The following FCSK variants were observed in gnomAD, a reference collection of about 807,000 sequenced individuals.
FCSK encodes the protein L-fucose kinase.
In FCSK, 123 loss-of-function variants were observed where a neutral mutation model predicts 122.5. That is an observed-to-expected ratio of 1.00 (90% CI 0.87 to 1.17). The LOEUF (loss-of-function observed/expected upper bound fraction) is 1.17, where lower values mean the gene tolerates loss of function less well. Ranked by LOEUF, FCSK falls within the 50% of genes most tolerant of loss-of-function variation. The pLI, the probability that FCSK is intolerant of heterozygous loss-of-function variation, is 0.00. For synonymous variants in FCSK, 620 were observed against 625.5 expected, an observed-to-expected ratio of 0.99 and a Z score of 0.13; for missense variants, 1,366 against 1,450.4, an observed-to-expected ratio of 0.94 and a Z score of 0.95.
At chr16:70,477,409 C>T (rs972375301) in intron 20 of FCSK, 1 of 152,174 alleles carries the variant, frequency 6.6e-6, no homozygotes, top group Non-Finnish European at 1.5e-5. Flanking sequence ...GTCTTGAACT[C>T]CTGACCTCAT....
At chr16:70,459,272 T>C (rs942256620) in intron 1 of FCSK, among the ~76,000 whole-genome samples, 10 of 149,506 alleles carry the variant, frequency 6.7e-5, no homozygotes, top group African/African-American at 2.2e-4. Flanking sequence ...AGGCCGGGCA[T>C]GGTGGCTCAT....
At chr16:70,472,676 C>A (rs931783572) in intron 14 of FCSK, 71 bp downstream of exon 14, 3 of 1,237,200 alleles carry the variant, frequency 2.4e-6, no homozygotes, top group African/African-American at 3.0e-5. Context: ...TGAGGTGTGT[C>A]CCTCCCCTGC....
At position 70,467,374 on chromosome 16, in the gene FCSK, G is replaced by C. The variant is rs376683810; in HGVS notation, c.485G>C (p.Gly162Ala). Residue 162 changes from glycine to alanine, a missense_variant and splice_region_variant, in exon 7 of 24, where the codon GGT (glycine) becomes GCT (alanine). Transcript: ENST00000288078. ...DMLLSVPANP[G>A]ISWDSFRGAR... Reference sequence around the variant, plus strand: ...GCCTCCTGACTGCCCCACCCCACAGGTATCAGCTGGGACAGCTTCCGGGGA... The same window carrying C: ...GCCTCCTGACTGCCCCACCCCACAGCTATCAGCTGGGACAGCTTCCGGGGA... 1 of 1,605,056 alleles carries C rather than the reference G, an allele frequency of 6.2e-7. No individual in the cohort carries two copies. Among genetic ancestry groups the C allele is most frequent in the Non-Finnish European group, 8.5e-7 (1 of 1,176,098 alleles).
intron 1 of FCSK, among the ~76,000 whole-genome samples, chr16:70,460,163 G>C (rs542561692): frequency 2.0e-5 from 3 of 148,914 alleles, no homozygotes; most frequent in Admixed American, 6.8e-5. Flanking sequence ...CTGGAGTGGA[G>C]TGCAGTGGCG....
chr16:70,472,920 G>A, intron 14 of FCSK, 63 bp from the exon 15 acceptor site: 1 of 1,525,854 alleles, frequency 6.6e-7, no homozygotes, highest in South Asian at 1.3e-5. Context: ...GGCGGCTCAG[G>A]GCTTGGGGAA....
In FCSK at chr16:70,473,001, C is replaced by T. The variant is rs776587370; in HGVS notation, c.1425C>T (p.Asp475=). ...RTGVRAWDLW[D]PETLPAEYCL... is the part of the protein sequence containing the mutation. ...ACATCAGAGCCTGGGACCTGTGGGA[C>T]CCTGAGACGCTGCCCGCAGAGTACT... Residue 475 remains aspartate, a synonymous_variant, in exon 15 of 24, where the codon GAC becomes GAT. Transcript: ENST00000288078. This position sits in a 1 kb window ranked among gnomAD's most constrained non-coding sequence, Gnocchi z 4.9. 2 of 1,602,330 alleles carry T rather than the reference C, an allele frequency of 1.2e-6. No individual in the cohort carries two copies. Among genetic ancestry groups the T allele is most frequent in the Non-Finnish European group, 1.7e-6 (2 of 1,175,052 alleles).
chr16:70,474,375 C>T (rs779254247), intron 16 of FCSK, 36 bp downstream of exon 16: 9 of 1,599,632 alleles, frequency 5.6e-6, no homozygotes, highest in African/African-American at 1.3e-5. Context: ...CTTGGATAAG[C>T]CCCTTGCTGT....
At position 70,466,876 on chromosome 16, in the gene FCSK, C is replaced by A. The variant is rs370093497; in HGVS notation, c.412-6C>A. 4.3e-6 allele frequency: 7 copies of A among 1,612,542 alleles called. No individual in the cohort carries two copies. The highest frequency in any genetic ancestry group is 3.3e-5 in the South Asian group (3 of 90,986). ...CCAGCTGTGTTCTGTCTCCTTCCCCCCACAGCTGGGCCCGGGCTCCCCGCC... is the reference window on the plus strand; with the variant it reads ...CCAGCTGTGTTCTGTCTCCTTCCCCACACAGCTGGGCCCGGGCTCCCCGCC... On this transcript the variant is annotated splice_region_variant and splice_polypyrimidine_tract_variant and intron_variant, in intron 5 of 23. Transcript: ENST00000288078.
chr16:70,463,147 T>C, intron 1 of FCSK, 22 bp from the exon 2 acceptor site: 1 of 1,373,332 alleles, frequency 7.3e-7, no homozygotes, highest in East Asian at 2.3e-5. Context: ...AATAGTCACA[T>C]CTACCCATAT....
chr16:70,477,962 C>T (rs866846834), intron 20 of FCSK: 9 of 322,914 alleles, frequency 2.8e-5, no homozygotes, highest in African/African-American at 1.3e-4. Flanking sequence ...TGATTACAGG[C>T]GTGTGCCACC....
chr16:70,463,189 G>C lies in FCSK; in HGVS notation c.-2G>C. ...CTCAGGAAGCCCCTCCGCTTGGCCA[G>C]AATGGAGCAGCCGAAGGGAGTTGAT... On this transcript the variant is annotated 5_prime_UTR_variant, in exon 2 of 24. Coordinates refer to ENST00000288078, the MANE Select transcript of FCSK (RefSeq NM_145059.3). 1 of 1,613,918 alleles carries C rather than the reference G, an allele frequency of 6.2e-7. No homozygotes were observed. Among genetic ancestry groups the C allele is most frequent in the Non-Finnish European group, 8.5e-7 (1 of 1,179,860 alleles).
At chr16:70,479,069 C>T in intron 22 of FCSK, 111 bp from the exon 23 acceptor site, 2 of 859,562 alleles carry the variant, frequency 2.3e-6, no homozygotes, top group Admixed American at 4.6e-5. Context: ...TGGAATCCGG[C>T]TTCTTTACCA....
intron 16 of FCSK, 54 bp from the exon 17 acceptor site, chr16:70,474,474 A>G (rs1459028951): frequency 3.9e-6 from 6 of 1,546,330 alleles, no homozygotes; most frequent in Non-Finnish European, 5.2e-6. Context: ...AAGCCAGGCA[A>G]TCTGCCCCCA....
rs193067969 is a variant in FCSK at position 70,470,961 on chromosome 16, G to C, written c.1069-10G>C. On this transcript the variant is annotated splice_polypyrimidine_tract_variant and intron_variant, in intron 11 of 23. Transcript: ENST00000288078. ...GACCCCCCTCATGCTCCTCCTACCT[G>C]GCTGCACAGGAGCAGCAGCTTCTGG... 1 of 1,570,056 alleles carries C rather than the reference G, an allele frequency of 6.4e-7. No individual in the cohort carries two copies. Among genetic ancestry groups the C allele is most frequent in the Non-Finnish European group, 8.6e-7 (1 of 1,159,352 alleles).
chr16:70,469,213 T>A lies in FCSK; in HGVS notation c.845T>A (p.Leu282Gln). 1 of 1,614,122 alleles carries A rather than the reference T, an allele frequency of 6.2e-7. No individual in the cohort carries two copies. Among genetic ancestry groups the A allele is most frequent in the East Asian group, 2.2e-5 (1 of 44,884 alleles). The change falls in exon 10 of 24, where the codon CTG (leucine) becomes CAG (glutamine). Residue 282 changes from leucine to glutamine, a missense_variant. Transcript: ENST00000288078. ...MAENVTREDF[L>Q]VGRPPELGQG... is the part of the protein sequence containing the mutation. ...GAGAACGTGACCAGGGAGGACTTCC[T>A]GGTGGGGAGGCCCCCAGAGTTGGGG...
rs778322263 is a variant in FCSK, at chr16:70,474,109, C to T, written c.1778-20C>T. 1.3e-4 allele frequency: 206 copies of T among 1,547,810 alleles called. No homozygotes were observed. The highest frequency in any genetic ancestry group is 3.8e-4 in the Admixed American group (19 of 50,084). On this transcript the variant is annotated intron_variant, in intron 15 of 23. Transcript: ENST00000288078. ...AAGACAGGCCTCCTCCCCTGCCACCCCCAACTCCTTGTCCCTCAGTTGCAG... is the reference window on the plus strand; with the variant it reads ...AAGACAGGCCTCCTCCCCTGCCACCTCCAACTCCTTGTCCCTCAGTTGCAG...
chr16:70,471,325 C>G lies in FCSK; in HGVS notation c.1314C>G (p.Thr438=). The change falls in exon 13 of 24, where the codon ACC becomes ACG. Residue 438 remains threonine (T), a synonymous_variant. Coordinates refer to ENST00000288078, the MANE Select transcript of FCSK (RefSeq NM_145059.3). The stretch of plus-strand genomic sequence containing the variant: ...ACGGCTCCCCGGGCCACGCCTTCAC[C>G]CTCGTTGGCCGTCTGGACAGCTGGG... ...RLHGSPGHAF[T]LVGRLDSWER... The G allele has an allele frequency of 6.3e-7, 1 of 1,594,578 alleles. No homozygotes were observed. The highest frequency in any genetic ancestry group is 8.6e-7 in the Non-Finnish European group (1 of 1,169,550).
In FCSK at chr16:70,470,402, CCA is replaced by C; in HGVS notation, c.1045_1046del (p.Gln349AspfsTer70). On this transcript the variant is annotated frameshift_variant, in exon 11 of 24. Transcript: ENST00000288078. LOFTEE classifies it high-confidence loss of function. ...SLTLPGAPGA[Q>X]IVHSQVEEQQ... ...TCACACTCCCCGGGGCTCCTGGGGC[CCA>C]GATTGTGCACTCCCAGGTGGAGGTG... 1 of 1,612,758 alleles carries C rather than the reference CCA, an allele frequency of 6.2e-7. No homozygotes were observed. Among genetic ancestry groups the C allele is most frequent in the South Asian group, 1.1e-5 (1 of 91,056 alleles).
chr16:70,458,380 A>G lies in FCSK; in HGVS notation c.-23+3750A>G, dbSNP rs935675013. On this transcript the variant is annotated intron_variant, in intron 1 of 23. Coordinates refer to ENST00000288078, the MANE Select transcript of FCSK (RefSeq NM_145059.3). ...TCACCATGCTGGCCAGGCTGGTCTC[A>G]AACTCCTGACCTCAGGTGATCCACC... 6.0e-5 allele frequency among the ~76,000 whole-genome samples: 9 copies of G among 151,058 alleles called. 1 individual carries two copies.
Sources: allele counts gnomAD v4.1 joint callset (sites outside exome capture counted in the v4.1 genomes callset), GRCh38; gene constraint gnomAD v4.1.1; non-coding constraint Gnocchi (gnomAD v3.1); transcripts MANE v1.5; gene names NCBI Gene and HGNC (gene_info 2026-07-23, HGNC 2026-07-21).